The following H2BC4 variants were observed in gnomAD, a reference collection of about 807,000 sequenced individuals.
H2BC4 encodes histone H2B type 1-C/E/F/G/I.
A neutral mutation model predicts 6.2 loss-of-function variants in H2BC4; 10 were observed. That is an observed-to-expected ratio of 1.61 (90% confidence interval 0.99 to 2.73). The LOEUF (loss-of-function observed/expected upper bound fraction) is 2.73, where lower values mean the gene tolerates loss of function less well. H2BC4 is among the 30% of genes most tolerant of loss of function. The probability of loss-of-function intolerance (pLI) is 0.00; values close to 1 mark genes in which losing one functional copy is unlikely to be tolerated. For missense variants in H2BC4, 176 were observed against 168.7 expected, an observed-to-expected ratio of 1.04 and a Z score of -0.24; for synonymous variants, 146 against 70.7, an observed-to-expected ratio of 2.07 and a Z score of -5.35.
chr6:26,120,545 G>A (rs1252989322), downstream of H2BC4, among the ~76,000 whole-genome samples: 1 of 152,062 alleles, frequency 6.6e-6, no homozygotes, highest in Non-Finnish European at 1.5e-5. Flanking sequence ...CAGAGCCATA[G>A]GTTATCTATT....
At chr6:26,122,264 C>T (rs574081958), downstream of H2BC4, among the ~76,000 whole-genome samples, 11 of 152,144 alleles carry the variant, frequency 7.2e-5, no homozygotes, top group South Asian at 1.7e-3. Flanking sequence ...TCACACAGTC[C>T]TTATGTTAAA....
chr6:26,114,055 T>TG (rs1763390063), downstream of H2BC4, among the ~76,000 whole-genome samples: 1 of 152,026 alleles, frequency 6.6e-6, no homozygotes, highest in Admixed American at 6.6e-5. Context: ...TATATGAATT[T>TG]GGGGGGATGG....
downstream of H2BC4, among the ~76,000 whole-genome samples, chr6:26,120,908 T>C (rs116582506): frequency 3.2e-4 from 48 of 152,344 alleles, no homozygotes; most frequent in African/African-American, 1.0e-3. Flanking sequence ...CCATAGCAGT[T>C]ATTGAGACCA....
downstream of H2BC4, chr6:26,123,430 AAT>A: frequency 1.3e-6 from 2 of 1,558,750 alleles, no homozygotes; most frequent in Non-Finnish European, 1.7e-6. Flanking sequence ...CGCCAAATAA[AAT>A]TTGGCGTCTG....
In H2BC4 at chr6:26,123,872, C is replaced by T. The variant is rs370298383; in HGVS notation, c.33G>A (p.Pro11=). The T allele has an allele frequency of 4.6e-5, 74 of 1,614,072 alleles. No individual in the cohort carries two copies. The highest frequency in any genetic ancestry group is 5.8e-5 in the Non-Finnish European group (69 of 1,180,046). MPEPAKSAPA[P]KKGSKKAVTK... is the part of the protein sequence containing the mutation. Reference sequence around the variant, plus strand: ...TCACTGCCTTCTTGGAGCCCTTCTTCGGGGCGGGAGCAGACTTGGCTGGCT... The same window carrying T: ...TCACTGCCTTCTTGGAGCCCTTCTTTGGGGCGGGAGCAGACTTGGCTGGCT... Residue 11 remains proline (P), a synonymous_variant, in exon 1 of 1, where the codon CCG becomes CCA. Coordinates refer to ENST00000396984, the MANE Select transcript of H2BC4 (RefSeq NM_003526.3).
At chr6:26,117,406 C>G (rs1248975543) in intron 1 of H2BC4, among the ~76,000 whole-genome samples, 1 of 152,154 alleles carries the variant, frequency 6.6e-6, no homozygotes, top group Non-Finnish European at 1.5e-5. Flanking sequence ...GAGAAGGATA[C>G]TAATGCACAG....
At chr6:26,119,682 TTTTG>T (rs1763472926), downstream of H2BC4, among the ~76,000 whole-genome samples, 1 of 151,932 alleles carries the variant, frequency 6.6e-6, no homozygotes, top group Non-Finnish European at 1.5e-5. Context: ...TTAAATTAGC[TTTTG>T]TTTTTGTTTT....
chr6:26,123,355 C>G (rs1763536281), downstream of H2BC4: 2 of 1,199,842 alleles, frequency 1.7e-6, no homozygotes, highest in African/African-American at 3.1e-5. Flanking sequence ...GACCCTTTGT[C>G]CCTCTCTAAG....
At chr6:26,115,849 G>C (rs1350222971) in intron 1 of H2BC4, among the ~76,000 whole-genome samples, 1 of 152,116 alleles carries the variant, frequency 6.6e-6, no homozygotes, top group Non-Finnish European at 1.5e-5. Context: ...TTAAAATCTA[G>C]TGTCCAAGGT....
intron 1 of H2BC4, among the ~76,000 whole-genome samples, chr6:26,116,338 A>T (rs1763419273): frequency 6.6e-6 from 1 of 152,224 alleles, no homozygotes. Flanking sequence ...TGATAAGGTT[A>T]CATGAATCTT....
chr6:26,116,089 T>C (rs1479945591), intron 1 of H2BC4, among the ~76,000 whole-genome samples: 3 of 152,144 alleles, frequency 2.0e-5, no homozygotes, highest in Non-Finnish European at 2.9e-5. Flanking sequence ...CTTTTACCAT[T>C]TGAAAACTTG....
chr6:26,123,357 C>T (rs1341140596), downstream of H2BC4: 7 of 1,227,050 alleles, frequency 5.7e-6, no homozygotes, highest in South Asian at 8.0e-5. Flanking sequence ...CCCTTTGTCC[C>T]TCTCTAAGCT....
chr6:26,118,445 C>A (rs929796870), intron 1 of H2BC4, among the ~76,000 whole-genome samples: 5 of 152,156 alleles, frequency 3.3e-5, no homozygotes, highest in East Asian at 1.9e-4. Flanking sequence ...TATTTAGGAA[C>A]TTTTAGTCAA....
At chr6:26,122,989 G>A (rs927400693), downstream of H2BC4, among the ~76,000 whole-genome samples, 3 of 152,202 alleles carry the variant, frequency 2.0e-5, no homozygotes, top group East Asian at 1.9e-4. Context: ...ATACTACGAA[G>A]GTGTGCGCCA....
downstream of H2BC4, among the ~76,000 whole-genome samples, chr6:26,121,285 A>C (rs1763493475): frequency 6.6e-6 from 1 of 152,236 alleles, no homozygotes. Context: ...AGAAAACCAG[A>C]ATTCAAATTC....
downstream of H2BC4, among the ~76,000 whole-genome samples, chr6:26,114,698 T>C (rs958975048): frequency 6.6e-6 from 1 of 151,940 alleles, no homozygotes; most frequent in African/African-American, 2.4e-5. Flanking sequence ...AAGTAGTCAA[T>C]AACAAATACA....
chr6:26,113,525 G>T, downstream of H2BC4, among the ~76,000 whole-genome samples: 1 of 152,184 alleles, frequency 6.6e-6, no homozygotes, highest in East Asian at 1.9e-4. Context: ...GCCTTGGATT[G>T]AGGAGAACAA....
chr6:26,118,142 G>GT (rs1299959596), intron 1 of H2BC4, among the ~76,000 whole-genome samples: 2 of 151,742 alleles, frequency 1.3e-5, no homozygotes, highest in Non-Finnish European at 2.9e-5. Flanking sequence ...TTTGTTTTTT[G>GT]TTTTTTTGAC....
downstream of H2BC4, chr6:26,123,431 A>C: frequency 6.4e-7 from 1 of 1,560,822 alleles, no homozygotes; most frequent in Non-Finnish European, 8.6e-7. Context: ...GCCAAATAAA[A>C]TTTGGCGTCT....
Sources: gnomAD v4.1 joint callset for allele counts (sites outside exome capture counted in the v4.1 genomes callset) on GRCh38, gnomAD v4.1.1 for gene constraint, MANE v1.5 for transcripts, NCBI Gene and HGNC (gene_info 2026-07-23, HGNC 2026-07-21) for gene names.